The following DLGAP2 variants were observed in gnomAD, a reference collection of about 807,000 sequenced individuals.
The protein encoded by DLGAP2 is disks large-associated protein 2.
A neutral mutation model predicts 100.3 loss-of-function variants in DLGAP2; 26 were observed. The ratio of observed to expected loss-of-function variants is 0.26; its 90% CI spans 0.19 to 0.36. The LOEUF is 0.36. DLGAP2 is among the 10% of genes least tolerant of loss of function. DLGAP2 has a pLI of 1.00. For synonymous variants in DLGAP2, 886 were observed against 630.1 expected (o/e 1.41, Z -6.08); for missense variants, 1,858 against 1,453.2 (o/e 1.28, Z -4.53).
In DLGAP2 at chr8:1,501,350, G is replaced by C. The variant is rs1488939161; in HGVS notation, c.107-16G>C. 5.2e-6 allele frequency: 8 copies of C among 1,535,900 alleles called. No homozygotes were observed. Among genetic ancestry groups the C allele is most frequent in the Non-Finnish European group, 7.0e-6 (8 of 1,146,730 alleles). On this transcript the variant is annotated splice_polypyrimidine_tract_variant and intron_variant, in intron 3 of 14. Coordinates refer to ENST00000637795, the MANE Select transcript of DLGAP2 (RefSeq NM_001346810.2). ...CAGAAACGCATTAAAGAGTGACTTT[G>C]TTTCTGTCTTTGCAGAGGAAGAAGC...
At chr8:1,130,440 G>A (rs995253755) in intron 2 of DLGAP2, among the ~76,000 whole-genome samples, 4 of 152,170 alleles carry the variant, frequency 2.6e-5, no homozygotes, top group Non-Finnish European at 5.9e-5. Flanking sequence ...AGGAGCAGAA[G>A]GGACCTGTCA....
At chr8:1,501,254 G>T (rs990953961) in intron 3 of DLGAP2, 112 bp from the exon 4 acceptor site, 3 of 1,118,032 alleles carry the variant, frequency 2.7e-6, no homozygotes, top group Non-Finnish European at 3.9e-6. Flanking sequence ...AAATACAAAG[G>T]TGTCTGTCAT....
Position 1,132,927 on chromosome 8 carries a change from A to T in DLGAP2, c.74-125924A>T, listed in dbSNP as rs1341347803. Among the ~76,000 whole-genome samples the T allele has an allele frequency of 2.6e-5, 4 of 152,126 alleles. 1 individual carries two copies. The highest frequency in any genetic ancestry group is 2.6e-4 in the Admixed American group (4 of 15,270). On this transcript the variant is annotated intron_variant, in intron 2 of 14. Transcript: ENST00000637795. The stretch of plus-strand genomic sequence containing the variant: ...TTTGGGGGTCAACAGAAAAATGTTA[A>T]CTCGCTAGAAAGACTTACTTTCTCC...
At chr8:1,170,639 C>T (rs1213693440) in intron 2 of DLGAP2, among the ~76,000 whole-genome samples, 3 of 141,674 alleles carry the variant, frequency 2.1e-5, no homozygotes, top group Non-Finnish European at 4.7e-5. Flanking sequence ...GGAATGTATC[C>T]ATTTCTTCTA....
chr8:1,293,947 C>T lies in DLGAP2; in HGVS notation c.106+35064C>T, dbSNP rs560145196. Among the ~76,000 whole-genome samples the T allele has an allele frequency of 3.9e-5, 6 of 152,312 alleles. No individual in the cohort carries two copies. In the East Asian group the frequency reaches 9.6e-4, roughly 24 times the overall value. ...TTCATGCAAAACAAGTATCAGGCTG[C>T]GGATACCTTGCACCGTATTGGAAAG... On this transcript the variant is annotated intron_variant, in intron 3 of 14. Coordinates refer to ENST00000637795, the MANE Select transcript of DLGAP2 (RefSeq NM_001346810.2).
chr8:1,485,244 G>A (rs540892622), intron 3 of DLGAP2, among the ~76,000 whole-genome samples: 1 of 152,144 alleles, frequency 6.6e-6, no homozygotes, highest in Non-Finnish European at 1.5e-5. Flanking sequence ...GTATAATTTT[G>A]ATTAGGTTGA....
At chr8:1,602,122 G>C (rs1796647222) in intron 6 of DLGAP2, among the ~76,000 whole-genome samples, 1 of 152,194 alleles carries the variant, frequency 6.6e-6, no homozygotes, top group African/African-American at 2.4e-5. Context: ...GTGAATGAGA[G>C]AGTGAGTGAA....
At chr8:1,088,430 T>C (rs1201046639) in intron 2 of DLGAP2, among the ~76,000 whole-genome samples, 1 of 152,180 alleles carries the variant, frequency 6.6e-6, no homozygotes, top group Non-Finnish European at 1.5e-5. Flanking sequence ...TTCCATCTTC[T>C]ATGGCAGTTG....
chr8:1,667,675 CCTCTT>C (rs1020730179), intron 8 of DLGAP2, among the ~76,000 whole-genome samples: 6 of 152,358 alleles, frequency 3.9e-5, no homozygotes, highest in Non-Finnish European at 5.9e-5. Flanking sequence ...GTGCTGGTGA[CCTCTT>C]CTCACACACA....
chr8:1,255,548 C>G (rs867548604), intron 2 of DLGAP2, among the ~76,000 whole-genome samples: 1 of 114,582 alleles, frequency 8.7e-6, no homozygotes, highest in Admixed American at 8.7e-5. Context: ...TGTGTCTGTC[C>G]TCTCCTGCCT....
intron 13 of DLGAP2, among the ~76,000 whole-genome samples, chr8:1,696,099 A>C (rs1478839818): frequency 6.6e-6 from 1 of 152,194 alleles, no homozygotes; most frequent in East Asian, 1.9e-4. Flanking sequence ...TGCACTGCTG[A>C]AACCATAAGC....
intron 2 of DLGAP2, among the ~76,000 whole-genome samples, chr8:1,157,011 G>C (rs1796804663): frequency 6.6e-6 from 1 of 151,890 alleles, no homozygotes; most frequent in African/African-American, 2.4e-5. Context: ...CAAGTTTCAG[G>C]CAGGCCAGGG....
intron 3 of DLGAP2, among the ~76,000 whole-genome samples, chr8:1,306,416 ATGT>A (rs921337255): frequency 1.3e-5 from 2 of 152,180 alleles, no homozygotes; most frequent in Non-Finnish European, 2.9e-5. Flanking sequence ...AAACTATAAA[ATGT>A]TGTTATAAGA....
At chr8:828,442 A>G (rs1796722283) in intron 1 of DLGAP2, among the ~76,000 whole-genome samples, 1 of 152,240 alleles carries the variant, frequency 6.6e-6, no homozygotes, top group Admixed American at 6.5e-5. Context: ...GAAGAGAAAT[A>G]TGGCTCTGTT....
At chr8:862,375 T>G (rs1350516766) in intron 1 of DLGAP2, among the ~76,000 whole-genome samples, 1 of 151,066 alleles carries the variant, frequency 6.6e-6, no homozygotes, top group Non-Finnish European at 1.5e-5. Flanking sequence ...TAATCTCAGC[T>G]CACTGCGGCC....
At chr8:760,771 G>C (rs746977114) in intron 1 of DLGAP2, among the ~76,000 whole-genome samples, 1 of 152,218 alleles carries the variant, frequency 6.6e-6, no homozygotes, top group South Asian at 2.1e-4. Flanking sequence ...GGAGTTGCAC[G>C]CATGCACCTG....
chr8:1,547,117 G>A (rs1162667539), intron 4 of DLGAP2, among the ~76,000 whole-genome samples: 1 of 152,068 alleles, frequency 6.6e-6, no homozygotes, highest in Non-Finnish European at 1.5e-5. Context: ...TACAAATGAC[G>A]GCAGCCGGGT....
chr8:1,522,587 C>T (rs904411332), intron 4 of DLGAP2, among the ~76,000 whole-genome samples: 6 of 152,324 alleles, frequency 3.9e-5, no homozygotes, highest in South Asian at 2.1e-4. Flanking sequence ...TGAAGCAGGA[C>T]GCACAGGTTT....
At chr8:1,498,287 C>A (rs1456485787) in intron 3 of DLGAP2, among the ~76,000 whole-genome samples, 1 of 151,916 alleles carries the variant, frequency 6.6e-6, no homozygotes, top group Non-Finnish European at 1.5e-5. Flanking sequence ...AGAGTCAATT[C>A]TCTCCTGGAT....
Sources: gnomAD v4.1 joint callset for allele counts (sites outside exome capture counted in the v4.1 genomes callset) on GRCh38, gnomAD v4.1.1 for gene constraint, MANE v1.5 for transcripts, NCBI Gene and HGNC (gene_info 2026-07-23, HGNC 2026-07-21) for gene names.